ACBD5: variants seen among roughly 807,000 people sequenced by gnomAD.
The protein encoded by ACBD5 is acyl-CoA-binding domain-containing protein 5.
Under a neutral mutation model 71.8 loss-of-function variants are expected in ACBD5, and 40 were observed. The ratio of observed to expected loss-of-function variants is 0.56; its 90% CI spans 0.43 to 0.72. ACBD5 has a LOEUF of 0.72. Among genes scored for constraint, ACBD5 ranks in the 30% least tolerant of loss-of-function variants. ACBD5 has a pLI of 0.00. For missense variants in ACBD5, 559 were observed against 644.5 expected (o/e 0.87, Z 1.44); for synonymous variants, 229 against 218.6 (o/e 1.05, Z -0.42).
intron 10 of ACBD5, 29 bp from the exon 11 acceptor site, chr10:27,205,277 C>T (rs1237795554): frequency 1.9e-6 from 3 of 1,604,602 alleles, no homozygotes; most frequent in African/African-American, 2.7e-5. Context: ...GTGACTTAGC[C>T]TTGAAAAAAT....
intron 13 of ACBD5, among the ~76,000 whole-genome samples, chr10:27,183,970 C>T (rs1459145134): frequency 6.6e-6 from 1 of 152,122 alleles, no homozygotes; most frequent in Admixed American, 6.6e-5. Flanking sequence ...CCTTGGCCTC[C>T]CTAAGTACTG....
intron 4 of ACBD5, among the ~76,000 whole-genome samples, chr10:27,225,535 C>T (rs989346023): frequency 5.3e-5 from 8 of 152,138 alleles, no homozygotes; most frequent in African/African-American, 1.9e-4. Context: ...ATTGCTGCTC[C>T]TCTGAATGTA....
In ACBD5 at chr10:27,222,652, A is replaced by T. The variant is rs2987452; in HGVS notation, c.490+686T>A. Among the ~76,000 whole-genome samples, 546 of 152,250 alleles carry T rather than the reference A, an allele frequency of 3.6e-3. 3 individuals are homozygous for T. The highest frequency in any genetic ancestry group is 9.1e-3 in the South Asian group (44 of 4,834). ...GCAGAGTGATCTCGTCTCACTGCAA[A>T]CTTTGCCTCCTGGGTTCAAGTGATT... is the stretch of plus-strand genomic sequence containing the variant. On this transcript the variant is annotated intron_variant, in intron 5 of 12. Transcript: ENST00000396271.
upstream of ACBD5, chr10:27,240,867 C>T (rs2065419401): frequency 1.1e-6 from 1 of 929,228 alleles, no homozygotes; most frequent in African/African-American, 1.6e-5. The surrounding 1 kb of genome is among the most constrained non-coding windows in gnomAD (Gnocchi z 4.1). Flanking sequence ...GCCGCCGCCG[C>T]AGCAGCAGTG....
intron 6 of ACBD5, among the ~76,000 whole-genome samples, chr10:27,218,461 G>C (rs1355013711): frequency 6.6e-6 from 1 of 152,092 alleles, no homozygotes; most frequent in Non-Finnish European, 1.5e-5. Context: ...ACTCCCTTAG[G>C]CATAAGCAAA....
upstream of ACBD5, among the ~76,000 whole-genome samples, chr10:27,241,133 G>A (rs2065452965): frequency 6.6e-6 from 1 of 152,230 alleles, no homozygotes; most frequent in Admixed American, 6.5e-5. Flanking sequence ...TGCACGCGAC[G>A]GCACCGCTGG....
At chr10:27,198,895 G>A (rs375246739) in intron 12 of ACBD5, among the ~76,000 whole-genome samples, 1 of 152,106 alleles carries the variant, frequency 6.6e-6, no homozygotes, top group Non-Finnish European at 1.5e-5. Context: ...CGGATCACGA[G>A]GTTGGGAGAT....
At chr10:27,235,252 T>G in intron 2 of ACBD5, 40 bp from the exon 3 acceptor site, 1 of 1,611,116 alleles carries the variant, frequency 6.2e-7, no homozygotes, top group Non-Finnish European at 8.5e-7. Context: ...ACCTGGGGAA[T>G]ACAACTGATA....
chr10:27,212,737 C>A (rs541334779), intron 8 of ACBD5, among the ~76,000 whole-genome samples: 13 of 152,002 alleles, frequency 8.6e-5, no homozygotes, highest in Non-Finnish European at 1.3e-4. Flanking sequence ...TTTGTAGAGA[C>A]GGGGTTTTGC....
downstream of ACBD5, among the ~76,000 whole-genome samples, chr10:27,194,690 AT>A (rs1390584658): frequency 6.7e-6 from 1 of 150,012 alleles, no homozygotes; most frequent in East Asian, 2.0e-4. Context: ...GTGGGAAGCT[AT>A]TTATTTGGTG....
At chr10:27,203,993 T>C (rs1375059306) in intron 12 of ACBD5, among the ~76,000 whole-genome samples, 2 of 151,380 alleles carry the variant, frequency 1.3e-5, no homozygotes, top group Non-Finnish European at 2.9e-5. Flanking sequence ...CCGCACCCAG[T>C]GACATATGCC....
chr10:27,186,651 ATGTGCTTT>A, intron 13 of ACBD5: 2 of 983,950 alleles, frequency 2.0e-6, no homozygotes, highest in Non-Finnish European at 3.2e-6. Context: ...ACCTAGTTCA[ATGTGCTTT>A]TAATGTACGT....
chr10:27,198,636 G>A (rs955980675), intron 12 of ACBD5, among the ~76,000 whole-genome samples: 3 of 152,150 alleles, frequency 2.0e-5, no homozygotes, highest in Admixed American at 6.5e-5. Context: ...AAGAAAACAG[G>A]CCCCTGGAGG....
chr10:27,236,214 T>C lies in ACBD5; in HGVS notation c.182-1002A>G, dbSNP rs552447441. 3.9e-5 allele frequency among the ~76,000 whole-genome samples: 6 copies of C among 152,212 alleles called. No individual in the cohort carries two copies. The South Asian group carries it at 1.2e-3, about 32-fold the overall frequency. On this transcript the variant is annotated intron_variant, in intron 2 of 12. Transcript: ENST00000396271. ...GAATGTTAATGTTTTATAATAGCTG[T>C]TTAAATAATTATGATATATAAATAT...
chr10:27,228,816 T>TATATATATATATATATATATATA (rs71386926), intron 4 of ACBD5, among the ~76,000 whole-genome samples: 2 of 18,762 alleles, frequency 1.1e-4, no homozygotes, highest in Non-Finnish European at 1.4e-4. Flanking sequence ...TATATATATA[T>TATATATATATATATATATATATA]TTTTTTTTTT....
Position 27,204,468 on chromosome 10 carries a change from C to T in ACBD5, c.1537G>A (p.Val513Met), listed in dbSNP as rs757515357. ...IIWPFIAQWL[V>M]YLYYQRRRRK... ...CTCCTTCTTTGATAGTATAAATACA[C>T]CAACCACTGTGCAATAAAAGGCCAT... Residue 513 changes from valine to methionine, a missense_variant, in exon 12 of 13, where the codon GTG becomes ATG. By Grantham distance (21) the Val-to-Met change is conservative. Coordinates refer to ENST00000396271, the MANE Select transcript of ACBD5 (RefSeq NM_145698.5). 1 of 1,613,922 alleles carries T rather than the reference C, an allele frequency of 6.2e-7. No individual in the cohort carries two copies. Among genetic ancestry groups the T allele is most frequent in the Admixed American group, 1.7e-5 (1 of 60,022 alleles).
chr10:27,186,789 A>C lies in ACBD5; in HGVS notation c.1494-4074T>G, dbSNP rs981101368. The C allele has an allele frequency of 1.1e-5, 5 of 466,208 alleles. No homozygotes were observed. In the East Asian group the frequency reaches 2.1e-4, roughly 19 times the overall value. The allele number at this position is 466,208 out of a possible 1,614,324, so 28.9% of individuals were successfully genotyped here. ...TTATTTATTTTGTTTATTGCACTTT[A>C]TGAAAACTGAAGCATCAATAAAATT... is the stretch of plus-strand genomic sequence containing the variant. On this transcript the variant is annotated intron_variant, in intron 13 of 13. Transcript: ENST00000676511.
At chr10:27,239,491 G>A (rs1054876630) in intron 2 of ACBD5, among the ~76,000 whole-genome samples, 1 of 152,024 alleles carries the variant, frequency 6.6e-6, no homozygotes, top group Non-Finnish European at 1.5e-5. Flanking sequence ...ACAAGAAGGA[G>A]ATCAGCCACT....
downstream of ACBD5, among the ~76,000 whole-genome samples, chr10:27,194,927 C>T (rs369940490): frequency 6.6e-6 from 1 of 152,022 alleles, no homozygotes; most frequent in African/African-American, 2.4e-5. Flanking sequence ...ACCTGAGAGG[C>T]GGAGGTTGCA....
Sources: gnomAD v4.1 joint callset for allele counts (sites outside exome capture counted in the v4.1 genomes callset) on GRCh38, gnomAD v4.1.1 for gene constraint, Gnocchi (gnomAD v3.1) non-coding constraint, MANE v1.5 for transcripts, NCBI Gene and HGNC (gene_info 2026-07-23, HGNC 2026-07-21) for gene names.